Variants in NFIB observed in about 807,000 individuals in gnomAD.
NFIB encodes the protein nuclear factor I B.
NFIB carries 11 observed loss-of-function variants against 61.5 expected under a neutral mutation model. The observed-to-expected ratio is 0.18, with a 90% CI of 0.11 to 0.30. The LOEUF is 0.30. NFIB is among the 10% of genes least tolerant of loss of function. The pLI is 1.00. For missense variants in NFIB, 471 were observed against 608.9 expected (o/e 0.77, Z 2.38); for synonymous variants, 260 against 216.5 (o/e 1.20, Z -1.76).
intron 1 of NFIB, among the ~76,000 whole-genome samples, chr9:14,344,294 G>A (rs1476341137): frequency 6.6e-6 from 1 of 151,870 alleles, no homozygotes; most frequent in Non-Finnish European, 1.5e-5. Context: ...ATGGGGGTGC[G>A]AGAGTGGGGT....
the NFIB span, among the ~76,000 whole-genome samples, chr9:14,473,110 G>A: frequency 6.6e-6 from 1 of 152,190 alleles, no homozygotes. Flanking sequence ...AGTTCTAGAG[G>A]TGAAGGAATG....
the NFIB span, among the ~76,000 whole-genome samples, chr9:14,502,743 T>C: frequency 6.6e-6 from 1 of 152,222 alleles, no homozygotes; most frequent in East Asian, 1.9e-4. Context: ...AATTTGTTTC[T>C]ATTTCAATAG....
chr9:14,380,981 C>T (rs953227514), intron 1 of NFIB, among the ~76,000 whole-genome samples: 2 of 144,968 alleles, frequency 1.4e-5, no homozygotes, highest in Non-Finnish European at 3.0e-5. Flanking sequence ...CTTCATTGTT[C>T]ATCTGATTTC....
At chr9:14,340,945 G>A (rs770611673) in intron 1 of NFIB, among the ~76,000 whole-genome samples, 2 of 152,118 alleles carry the variant, frequency 1.3e-5, no homozygotes, top group Non-Finnish European at 2.9e-5. Context: ...GGGCGGTGGC[G>A]GTAGTGGTTC....
chr9:14,493,700 G>C, the NFIB span, among the ~76,000 whole-genome samples: 1 of 152,130 alleles, frequency 6.6e-6, no homozygotes, highest in Non-Finnish European at 1.5e-5. Flanking sequence ...ATGGCTAAAT[G>C]GACCTTTCCC....
At chr9:14,314,139 TGCGCGCGGGTGGCGGGGC>T (rs2060427462) in exon 1 of NFIB, 4 of 959,686 alleles carry the variant, frequency 4.2e-6, no homozygotes, top group Admixed American at 7.8e-5. Context: ...CGTGAGCGAG[TGCGCGCGGGTGGCGGGGC>T]GCGCGCGGGA....
chr9:14,471,112 TA>T, the NFIB span, among the ~76,000 whole-genome samples: 3 of 152,244 alleles, frequency 2.0e-5, no homozygotes, highest in African/African-American at 7.2e-5. Flanking sequence ...AGCATAAGGT[TA>T]CTATTAAAAA....
chr9:14,472,761 A>G, the NFIB span, among the ~76,000 whole-genome samples: 2 of 152,132 alleles, frequency 1.3e-5, no homozygotes, highest in African/African-American at 4.8e-5. Context: ...GAATGGCGTG[A>G]ACCCAGGAGG....
At chr9:14,508,130 ATAT>A in the NFIB span, among the ~76,000 whole-genome samples, 3 of 151,408 alleles carry the variant, frequency 2.0e-5, no homozygotes, top group Non-Finnish European at 4.4e-5. Flanking sequence ...TTATATATTC[ATAT>A]TATATGTGTA....
intron 2 of NFIB, among the ~76,000 whole-genome samples, chr9:14,235,296 G>C (rs980777763): frequency 1.3e-5 from 2 of 152,194 alleles, no homozygotes; most frequent in African/African-American, 2.4e-5. Context: ...TGATAGAGGA[G>C]AATGCCTTTT....
chr9:14,164,862 C>A (rs982120876), intron 3 of NFIB, among the ~76,000 whole-genome samples: 1 of 152,018 alleles, frequency 6.6e-6, no homozygotes. Flanking sequence ...TGGGGTGAGA[C>A]CTGGACATGA....
chr9:14,466,584 G>C, the NFIB span, among the ~76,000 whole-genome samples: 7 of 152,142 alleles, frequency 4.6e-5, no homozygotes, highest in Admixed American at 2.6e-4. Flanking sequence ...AGGAGCTCCC[G>C]TCTGTCAGCC....
intron 6 of NFIB, among the ~76,000 whole-genome samples, chr9:14,144,163 G>C (rs1473367825): frequency 6.6e-6 from 1 of 151,932 alleles, no homozygotes; most frequent in Non-Finnish European, 1.5e-5. Context: ...TTTTCACAAA[G>C]AAAAAGAATG....
intron 2 of NFIB, among the ~76,000 whole-genome samples, chr9:14,294,656 A>G (rs570815979): frequency 7.9e-5 from 12 of 152,358 alleles, no homozygotes; most frequent in African/African-American, 2.9e-4. Flanking sequence ...TAATCAATGT[A>G]CTGATCCTGC....
intron 2 of NFIB, among the ~76,000 whole-genome samples, chr9:14,269,627 C>T (rs777579035): frequency 1.3e-5 from 2 of 152,154 alleles, no homozygotes; most frequent in Non-Finnish European, 1.5e-5. Context: ...TAATGTTACA[C>T]GTGAAAAAGA....
chr9:14,200,322 A>G (rs2048897043), intron 2 of NFIB, among the ~76,000 whole-genome samples: 1 of 152,184 alleles, frequency 6.6e-6, no homozygotes, highest in South Asian at 2.1e-4. Flanking sequence ...AAGTTTCTTA[A>G]AGTCTACAGA....
intron 1 of NFIB, among the ~76,000 whole-genome samples, chr9:14,367,128 G>T (rs2061309687): frequency 6.6e-6 from 1 of 152,108 alleles, no homozygotes; most frequent in Non-Finnish European, 1.5e-5. Flanking sequence ...TATTTACTGG[G>T]CCCCTACCCT....
At position 14,083,479 on chromosome 9, in the gene NFIB, TAAA is replaced by T. The variant is rs33918801; in HGVS notation, c.*4827_*4829del. 927 of 134,212 alleles carry T rather than the reference TAAA, an allele frequency of 6.9e-3. No individual in the cohort carries two copies. The highest frequency in any genetic ancestry group is 0.023 in the Middle Eastern group (8 of 348). The allele number at this position is 134,212 out of a possible 1,614,324, so 8.3% of individuals were successfully genotyped here. ...TATTGAACTTGAATAGCCTGCACAT[TAAA>T]AAAAAAAAAAAAAAAAAAGTTTTCT... is the stretch of plus-strand genomic sequence containing the variant. On this transcript the variant is annotated 3_prime_UTR_variant, in exon 11 of 11. Transcript: ENST00000380953.
chr9:14,105,151 C>A (rs1002460116), intron 10 of NFIB, among the ~76,000 whole-genome samples: 6 of 152,110 alleles, frequency 3.9e-5, no homozygotes, highest in Non-Finnish European at 8.8e-5. Flanking sequence ...ATATGCTGCA[C>A]ACATAAAAAT....
Sources: allele counts gnomAD v4.1 joint callset (sites outside exome capture counted in the v4.1 genomes callset), GRCh38; gene constraint gnomAD v4.1.1; transcripts MANE v1.5; gene names NCBI Gene and HGNC (gene_info 2026-07-23, HGNC 2026-07-21).